NRXN1: variants seen among roughly 807,000 people sequenced by gnomAD.
The protein encoded by NRXN1 is neurexin 1.
NRXN1 carries 39 observed loss-of-function variants against 150.9 expected under a neutral mutation model. The observed-to-expected ratio is 0.26, with a 90% CI of 0.20 to 0.34. The LOEUF is 0.34. Among genes scored for constraint, NRXN1 ranks in the 10% least tolerant of loss-of-function variants. The pLI is 1.00. For missense variants in NRXN1, 1,815 were observed against 1,949.9 expected, an observed-to-expected ratio of 0.93 and a Z score of 1.30; for synonymous variants, 924 against 757.0, an observed-to-expected ratio of 1.22 and a Z score of -3.62.
intron 8 of NRXN1, among the ~76,000 whole-genome samples, chr2:50,570,131 G>T (rs1362218795): frequency 6.6e-6 from 1 of 152,006 alleles, no homozygotes. Context: ...ATTTTGGAGG[G>T]ATCTATAAGA....
Position 50,670,404 on chromosome 2 carries a change from G to A in NRXN1, c.833-46789C>T, listed in dbSNP as rs1011874629. ...TATGGCTTTCTGTTTTTATTGTAAC[G>A]TAAACAATATTAAGTATAACTTTCT... On this transcript the variant is annotated intron_variant, in intron 5 of 22. Transcript: ENST00000401669. Among the ~76,000 whole-genome samples the A allele has an allele frequency of 1.6e-4, 15 of 94,516 alleles. No homozygotes were observed. In the South Asian group the frequency reaches 4.7e-3, roughly 30 times the overall value. 62.0% of individuals were successfully genotyped at this position (94,516 alleles called of 152,430 possible).
chr2:50,701,943 T>C (rs1201019137), intron 5 of NRXN1, among the ~76,000 whole-genome samples: 1 of 152,176 alleles, frequency 6.6e-6, no homozygotes, highest in Non-Finnish European at 1.5e-5. Flanking sequence ...TGTTGCTTTT[T>C]CGTATATTTG....
intron 8 of NRXN1, among the ~76,000 whole-genome samples, chr2:50,560,307 G>C (rs1442873727): frequency 2.6e-5 from 4 of 152,166 alleles, no homozygotes; most frequent in Non-Finnish European, 5.9e-5. Flanking sequence ...ATGTCCACAG[G>C]AGACAGGTGG....
chr2:50,522,728 T>TCC (rs2092826009), intron 12 of NRXN1, among the ~76,000 whole-genome samples: 17 of 105,744 alleles, frequency 1.6e-4, no homozygotes, highest in South Asian at 7.1e-4. Flanking sequence ...TCATTTTTTT[T>TCC]TTTTTTTTTT....
intron 2 of NRXN1, among the ~76,000 whole-genome samples, chr2:51,026,982 C>T (rs1180108004): frequency 2.0e-5 from 3 of 152,206 alleles, no homozygotes; most frequent in East Asian, 3.9e-4. Context: ...CTGTCTTTCT[C>T]GTCCTTTACC....
intron 21 of NRXN1, among the ~76,000 whole-genome samples, chr2:49,953,058 T>C (rs955906942): frequency 9.9e-5 from 15 of 152,138 alleles, no homozygotes; most frequent in Admixed American, 2.6e-4. Context: ...CAGCCAGTTA[T>C]AAAAAACATT....
Position 49,925,449 on chromosome 2 carries a change from T to C in NRXN1, c.4217-3198A>G, listed in dbSNP as rs545232725. ...TTGATGATCACTGAGAAATCTCTGA[T>C]GAAATTTTATATTAATGTAAATGTA... On this transcript the variant is annotated intron_variant, in intron 22 of 22. Coordinates refer to ENST00000401669, the MANE Select transcript of NRXN1 (RefSeq NM_001330078.2). Among the ~76,000 whole-genome samples, 187 of 152,298 alleles carry C rather than the reference T, an allele frequency of 1.2e-3. 1 individual carries two copies. Among genetic ancestry groups the C allele is most frequent in the Non-Finnish European group, 2.2e-3 (151 of 68,012 alleles).
Position 50,510,485 on chromosome 2 carries a change from C to CAAAA in NRXN1, c.2375-3872_2375-3869dup, listed in dbSNP as rs540578029. Among the ~76,000 whole-genome samples the CAAAA allele has an allele frequency of 1.6e-3, 65 of 39,692 alleles. 2 individuals carry two copies. The highest frequency in any genetic ancestry group is 5.8e-3 in the African/African-American group (58 of 10,022). The allele number at this position is 39,692 out of a possible 152,430, so 26.0% of individuals were successfully genotyped here. ...TGGATGACAGAGAGAGACTCCATCTCAAAAAAAAAAAAAAAAAAAAAAAAA... is the reference window on the plus strand; with the variant it reads ...TGGATGACAGAGAGAGACTCCATCTCAAAAAAAAAAAAAAAAAAAAAAAAAAAAA... On this transcript the variant is annotated intron_variant, in intron 12 of 22. Transcript: ENST00000401669.
At chr2:50,902,202 C>T (rs1345102867) in intron 5 of NRXN1, among the ~76,000 whole-genome samples, 1 of 151,802 alleles carries the variant, frequency 6.6e-6, no homozygotes, top group Admixed American at 6.6e-5. Context: ...ATTCTTTAAC[C>T]AGGGCAAGAC....
At chr2:50,137,262 C>CT (rs1381337185) in intron 18 of NRXN1, among the ~76,000 whole-genome samples, 1 of 152,014 alleles carries the variant, frequency 6.6e-6, no homozygotes, top group African/African-American at 2.4e-5. Context: ...CAGCTGAACC[C>CT]TGATATATAC....
chr2:50,959,025 C>A (rs1171755722), intron 2 of NRXN1, among the ~76,000 whole-genome samples: 1 of 152,076 alleles, frequency 6.6e-6, no homozygotes, highest in Non-Finnish European at 1.5e-5. Flanking sequence ...TGTCTACATT[C>A]ATGAGATATG....
At chr2:50,665,332 A>C (rs990014000) in intron 5 of NRXN1, among the ~76,000 whole-genome samples, 1 of 152,052 alleles carries the variant, frequency 6.6e-6, no homozygotes, top group African/African-American at 2.4e-5. Context: ...ATGTCTTACT[A>C]TTCTGTTATT....
chr2:50,543,080 G>A (rs11125317), intron 9 of NRXN1, among the ~76,000 whole-genome samples: 42,643 of 151,814 alleles, frequency 0.28, 6,396 homozygotes, highest in East Asian at 0.51. Context: ...ATTTTCAAAG[G>A]CTGAGGTACA....
At chr2:50,551,309 T>C (rs1667505531) in intron 9 of NRXN1, 1 of 152,126 alleles carries the variant, frequency 6.6e-6, no homozygotes, top group Non-Finnish European at 1.5e-5. Flanking sequence ...TCCTTCTCAA[T>C]TTCCATATAT....
intron 5 of NRXN1, among the ~76,000 whole-genome samples, chr2:50,644,836 GAT>G (rs1684584231): frequency 1.4e-5 from 2 of 142,864 alleles, no homozygotes; most frequent in South Asian, 4.3e-4. Context: ...ATTCAGGTAG[GAT>G]ATTTATATTT....
intron 21 of NRXN1, among the ~76,000 whole-genome samples, chr2:50,032,608 G>A (rs1337582969): frequency 6.6e-6 from 1 of 151,942 alleles, no homozygotes; most frequent in Non-Finnish European, 1.5e-5. Context: ...AAAATTCATA[G>A]GTTGAAACCC....
chr2:50,888,977 T>C (rs1049768531), intron 5 of NRXN1, among the ~76,000 whole-genome samples: 3 of 151,870 alleles, frequency 2.0e-5, no homozygotes, highest in East Asian at 3.9e-4. Flanking sequence ...TATCAGATTA[T>C]AATATGTTTA....
intron 18 of NRXN1, among the ~76,000 whole-genome samples, chr2:50,170,106 C>T (rs1043064378): frequency 6.6e-5 from 10 of 151,444 alleles, no homozygotes; most frequent in Non-Finnish European, 4.4e-5. Context: ...CTTTATTATA[C>T]ATGTTATTTA....
chr2:50,046,823 C>T (rs997503186), intron 21 of NRXN1, among the ~76,000 whole-genome samples: 1 of 152,116 alleles, frequency 6.6e-6, no homozygotes, highest in African/African-American at 2.4e-5. Flanking sequence ...ACTCCCAGAA[C>T]GCAGGGCCTC....
Sources: allele counts gnomAD v4.1 joint callset (sites outside exome capture counted in the v4.1 genomes callset), GRCh38; gene constraint gnomAD v4.1.1; transcripts MANE v1.5; gene names NCBI Gene and HGNC (gene_info 2026-07-23, HGNC 2026-07-21).